TLN2: variants seen among roughly 807,000 people sequenced by gnomAD.
TLN2 encodes talin-2.
A neutral mutation model predicts 294.7 loss-of-function variants in TLN2; 118 were observed. The observed-to-expected ratio is 0.40, with a 90% CI of 0.34 to 0.47. The LOEUF (loss-of-function observed/expected upper bound fraction) is 0.47. Among genes scored for constraint, TLN2 ranks in the 20% least tolerant of loss-of-function variants. The pLI, the probability that TLN2 is intolerant of heterozygous loss-of-function variation, is 0.84. For missense variants in TLN2, 3,083 were observed against 3,282.2 expected, an observed-to-expected ratio of 0.94 and a Z score of 1.48; for synonymous variants, 1,431 against 1,304.5, an observed-to-expected ratio of 1.10 and a Z score of -2.09.
intron 1 of TLN2, among the ~76,000 whole-genome samples, chr15:62,454,841 C>T (rs1167524819): frequency 6.6e-6 from 1 of 152,150 alleles, no homozygotes; most frequent in African/African-American, 2.4e-5. Flanking sequence ...TTTCGGATGG[C>T]TTCCAGAGCA....
At chr15:62,666,833 A>G (rs1280791527) in intron 9 of TLN2, among the ~76,000 whole-genome samples, 2 of 152,220 alleles carry the variant, frequency 1.3e-5, no homozygotes, top group Admixed American at 6.5e-5. Flanking sequence ...TTGAGCTTTC[A>G]GCCCACTGTG....
At chr15:62,605,887 G>C (rs1172032863) in intron 2 of TLN2, among the ~76,000 whole-genome samples, 1 of 152,090 alleles carries the variant, frequency 6.6e-6, no homozygotes, top group African/African-American at 2.4e-5. Context: ...GATGTGCCTG[G>C]TACCACAATC....
At chr15:62,428,895 T>A (rs538874697) in intron 1 of TLN2, among the ~76,000 whole-genome samples, 8 of 152,290 alleles carry the variant, frequency 5.3e-5, no homozygotes, top group African/African-American at 1.9e-4. Flanking sequence ...TCCTGACTGA[T>A]CTTCAAGAAT....
At chr15:62,527,361 C>A (rs545342619) in intron 1 of TLN2, among the ~76,000 whole-genome samples, 9 of 152,222 alleles carry the variant, frequency 5.9e-5, no homozygotes, top group African/African-American at 2.2e-4. Flanking sequence ...GATAAAATTC[C>A]CAGTGCCTCT....
intron 1 of TLN2, among the ~76,000 whole-genome samples, chr15:62,491,150 T>A (rs907376446): frequency 1.3e-5 from 2 of 152,024 alleles, no homozygotes; most frequent in African/African-American, 4.8e-5. Context: ...GGCGAAACCC[T>A]GTCTCTACTA....
chr15:62,673,887 T>C lies in TLN2; in HGVS notation c.849T>C (p.Phe283=), dbSNP rs776452275. ...IKQRGAEKRI[F]QEHKNCGEMS... ...AGAGAGGAGCTGAAAAGAGGATCTT[T>C]CAGGTATTGGAAATGTACAGAACTT... The change falls in exon 10 of 59, where the codon TTT becomes TTC. Residue 283 remains phenylalanine (F), a synonymous_variant. Coordinates refer to ENST00000636159, the MANE Select transcript of TLN2 (RefSeq NM_015059.3). 3.0e-5 allele frequency: 49 copies of C among 1,612,850 alleles called. No homozygotes were observed. In the South Asian group the frequency reaches 5.3e-4, roughly 17 times the overall value.
At chr15:62,670,122 C>T (rs2055221575) in intron 9 of TLN2, among the ~76,000 whole-genome samples, 1 of 152,204 alleles carries the variant, frequency 6.6e-6, no homozygotes, top group Non-Finnish European at 1.5e-5. Flanking sequence ...TGGTATTCTT[C>T]TAGTGACAGC....
In TLN2 at chr15:62,707,213, A is replaced by AGT. The variant is rs2059127458; in HGVS notation, c.2136_2137dup (p.Ala713ValfsTer15). 6.2e-7 allele frequency: 1 copy of AGT among 1,613,676 alleles called. No homozygotes were observed. On this transcript the variant is annotated frameshift_variant, in exon 20 of 59. Coordinates refer to ENST00000636159, the MANE Select transcript of TLN2 (RefSeq NM_015059.3). LOFTEE classifies it high-confidence loss of function. ...AACAGGGTAATTGCTGCTGCCACCC[A>AGT]GTGTGCCCTCTCCACCTCCCAGCTT...
intron 12 of TLN2, among the ~76,000 whole-genome samples, chr15:62,689,743 C>G (rs932994919): frequency 4.4e-4 from 64 of 146,682 alleles, no homozygotes; most frequent in African/African-American, 1.5e-3. Context: ...GATAAATTTG[C>G]TGTCATTCAA....
intron 1 of TLN2, among the ~76,000 whole-genome samples, chr15:62,473,073 C>A (rs891629202): frequency 2.6e-5 from 4 of 152,228 alleles, no homozygotes; most frequent in African/African-American, 9.6e-5. Context: ...TTTGCAGAAA[C>A]CTGACACTGG....
At chr15:62,737,161 G>C (rs1595837244) in intron 29 of TLN2, 75 bp downstream of exon 29, 2 of 1,513,406 alleles carry the variant, frequency 1.3e-6, no homozygotes, top group Admixed American at 3.7e-5. Context: ...TGTCTCCTGG[G>C]CACTTTTCCC....
Position 62,701,987 on chromosome 15 carries a change from G to T in TLN2, c.1697-5G>T. 1.9e-6 allele frequency: 3 copies of T among 1,613,810 alleles called. No individual in the cohort carries two copies. The South Asian group carries it at 3.3e-5, about 18-fold the overall frequency. On this transcript the variant is annotated splice_region_variant and splice_polypyrimidine_tract_variant and intron_variant, in intron 17 of 58. Coordinates refer to ENST00000636159, the MANE Select transcript of TLN2 (RefSeq NM_015059.3). ...TTTGATGGGGATGGTTCTTTTCTGT[G>T]CCAGGTGACCCTGCAGACACTGACT...
chr15:62,436,747 A>G (rs532089758), intron 1 of TLN2, among the ~76,000 whole-genome samples: 6 of 152,154 alleles, frequency 3.9e-5, no homozygotes, highest in Non-Finnish European at 8.8e-5. Flanking sequence ...TTTTAGAGGC[A>G]GGGTCTCACT....
At chr15:62,631,645 C>CTTTCCTTCTT (rs1555451398) in intron 3 of TLN2, among the ~76,000 whole-genome samples, 12 of 64,524 alleles carry the variant, frequency 1.9e-4, no homozygotes, top group South Asian at 9.1e-4. Flanking sequence ...CTTTCTCTTT[C>CTTTCCTTCTT]TTTCCTTCTT....
At position 62,735,600 on chromosome 15, in the gene TLN2, A is replaced by G. The variant is rs548716030; in HGVS notation, c.3359-1278A>G. Among the ~76,000 whole-genome samples the G allele has an allele frequency of 8.5e-5, 13 of 152,360 alleles. 1 individual carries two copies. The East Asian group carries it at 2.5e-3, about 29-fold the overall frequency. ...TGCTACCTGGTGTTGGCTAGGATGT[A>G]GAGCAACTGCAGTTCTTACAGATTG... On this transcript the variant is annotated intron_variant, in intron 28 of 58. Coordinates refer to ENST00000636159, the MANE Select transcript of TLN2 (RefSeq NM_015059.3).
At chr15:62,690,430 C>G (rs188520312) in intron 12 of TLN2, 4,404 of 168,554 alleles carry the variant, frequency 0.026, 247 homozygotes, top group African/African-American at 0.11. Flanking sequence ...GGCAGAGACG[C>G]TTCTCACTTC....
chr15:62,693,191 G>T (rs966552848), intron 13 of TLN2, among the ~76,000 whole-genome samples: 4 of 152,126 alleles, frequency 2.6e-5, no homozygotes, highest in African/African-American at 9.7e-5. Flanking sequence ...AGTTAGCCGG[G>T]CGTGGTGGCA....
At chr15:62,792,238 A>C (rs944707456) in intron 45 of TLN2, among the ~76,000 whole-genome samples, 4 of 152,234 alleles carry the variant, frequency 2.6e-5, no homozygotes, top group African/African-American at 9.6e-5. Flanking sequence ...GAAATTAAAC[A>C]CATTACCTGC....
At chr15:62,838,815 C>A in intron 57 of TLN2, 41 bp from the exon 58 acceptor site, 1 of 1,603,850 alleles carries the variant, frequency 6.2e-7, no homozygotes, top group Non-Finnish European at 8.5e-7. Context: ...GCCCAAATGG[C>A]TGTTTCTAAT....
Sources: allele counts gnomAD v4.1 joint callset (sites outside exome capture counted in the v4.1 genomes callset), GRCh38; gene constraint gnomAD v4.1.1; transcripts MANE v1.5; gene names NCBI Gene and HGNC (gene_info 2026-07-23, HGNC 2026-07-21).